TDRD10: variants seen among roughly 807,000 people sequenced by gnomAD.
TDRD10 encodes the protein tudor domain-containing protein 10.
In TDRD10, 40 loss-of-function variants were observed where a neutral mutation model predicts 48.0. The observed-to-expected ratio is 0.83, with a 90% confidence interval of 0.65 to 1.09. The LOEUF is 1.09. Ranked by LOEUF, TDRD10 falls within the 50% of genes least tolerant of loss-of-function variation. The pLI, the probability that TDRD10 is intolerant of heterozygous loss-of-function variation, is 0.00. For missense variants in TDRD10, 378 were observed against 434.7 expected (o/e 0.87, Z 1.16); for synonymous variants, 162 against 170.4 (o/e 0.95, Z 0.38).
At chr1:154,506,320 G>A (rs1414584901) in intron 1 of TDRD10, among the ~76,000 whole-genome samples, 1 of 151,480 alleles carries the variant, frequency 6.6e-6, no homozygotes, top group Non-Finnish European at 1.5e-5. Context: ...GCTAACAACA[G>A]TAGTAGAGTC....
intron 4 of TDRD10, among the ~76,000 whole-genome samples, chr1:154,514,170 A>G (rs1693627989): frequency 6.6e-6 from 1 of 152,232 alleles, no homozygotes; most frequent in African/African-American, 2.4e-5. Flanking sequence ...AGCCTGGGTG[A>G]CAAAGCAAGA....
Position 154,544,934 on chromosome 1 carries a change from T to G in TDRD10, c.937T>G (p.Phe313Val). ...GACCATCCCACCCCTGACTCAGCCA[T>G]TCATGCTGGAGAAAGGTGAGACATC... ...FWTIPPLTQP[F>V]MLEKDILSSY... The change falls in exon 11 of 13, where the codon TTC becomes GTC. Residue 313 changes from phenylalanine to valine, a missense_variant. Transcript: ENST00000368482. 1 of 1,614,046 alleles carries G rather than the reference T, an allele frequency of 6.2e-7. No homozygotes were observed. The highest frequency in any genetic ancestry group is 2.2e-5 in the East Asian group (1 of 44,874).
chr1:154,512,252 CGAATTTT>C (rs1486511414), intron 4 of TDRD10, among the ~76,000 whole-genome samples: 3 of 152,088 alleles, frequency 2.0e-5, no homozygotes, highest in Admixed American at 2.0e-4. Context: ...CATACAATGT[CGAATTTT>C]GTGTTTTCTT....
chr1:154,507,054 T>G, intron 2 of TDRD10, 149 bp downstream of exon 2: 1 of 1,544,124 alleles, frequency 6.5e-7, no homozygotes, highest in Non-Finnish European at 8.7e-7. Context: ...ACTTTAACTT[T>G]TAGTGATTTA....
At chr1:154,545,927 A>ATTTTT (rs559924225) in intron 11 of TDRD10, among the ~76,000 whole-genome samples, 1 of 85,496 alleles carries the variant, frequency 1.2e-5, no homozygotes, top group African/African-American at 5.0e-5. Context: ...CACCCAGCTA[A>ATTTTT]TTTTTTTTTT....
At chr1:154,508,305 A>C in intron 3 of TDRD10, 118 bp from the exon 4 acceptor site, 1 of 723,566 alleles carries the variant, frequency 1.4e-6, no homozygotes, top group Non-Finnish European at 2.5e-6. Flanking sequence ...GCTTGAGCCC[A>C]GGAATTTGAG....
At chr1:154,538,419 G>A (rs186467730) in intron 6 of TDRD10, among the ~76,000 whole-genome samples, 1 of 151,926 alleles carries the variant, frequency 6.6e-6, no homozygotes, top group African/African-American at 2.4e-5. Flanking sequence ...GTATGGTGGC[G>A]CATGCCTGTA....
At chr1:154,531,127 C>G (rs1186681267) in intron 6 of TDRD10, among the ~76,000 whole-genome samples, 1 of 152,160 alleles carries the variant, frequency 6.6e-6, no homozygotes, top group African/African-American at 2.4e-5. Context: ...AGGTGTGAGC[C>G]ACCACGCCTG....
chr1:154,507,216 C>T (rs772400955), intron 2 of TDRD10, 25 bp from the exon 3 acceptor site: 33 of 1,613,464 alleles, frequency 2.0e-5, no homozygotes, highest in South Asian at 4.4e-5. Context: ...TTGGGAGGTT[C>T]GATGCTGACA....
intron 1 of TDRD10, among the ~76,000 whole-genome samples, chr1:154,503,853 AT>A (rs1332621226): frequency 1.3e-5 from 2 of 150,898 alleles, no homozygotes; most frequent in Non-Finnish European, 2.9e-5. Context: ...GCGTAGTGAC[AT>A]TTTTTTAAAG....
At chr1:154,509,825 G>A (rs1693349105) in intron 4 of TDRD10, 13 of 985,404 alleles carry the variant, frequency 1.3e-5, no homozygotes, top group Non-Finnish European at 1.4e-5. Flanking sequence ...TGACAGTGAA[G>A]TGGGCAGAGG....
At chr1:154,514,239 G>GAT (rs1192480085) in intron 4 of TDRD10, among the ~76,000 whole-genome samples, 1 of 152,138 alleles carries the variant, frequency 6.6e-6, no homozygotes, top group Non-Finnish European at 1.5e-5. Flanking sequence ...GAAATACAAT[G>GAT]ATAGCCTTTG....
intron 1 of TDRD10, among the ~76,000 whole-genome samples, chr1:154,503,694 G>A (rs889710532): frequency 6.6e-6 from 1 of 152,336 alleles, no homozygotes; most frequent in Middle Eastern, 3.4e-3. Flanking sequence ...AACTAAATGT[G>A]CTGAAGGGGC....
intron 6 of TDRD10, among the ~76,000 whole-genome samples, chr1:154,530,270 C>T (rs1295967774): frequency 1.3e-5 from 2 of 152,170 alleles, no homozygotes; most frequent in African/African-American, 2.4e-5. Context: ...CCGCCTCGGT[C>T]TCCCAGAGTG....
intron 6 of TDRD10, among the ~76,000 whole-genome samples, chr1:154,537,542 G>A (rs1417947097): frequency 6.6e-6 from 1 of 152,224 alleles, no homozygotes; most frequent in Admixed American, 6.5e-5. Flanking sequence ...GGTTGGTGGA[G>A]GTGAGGGTGG....
At chr1:154,547,171 G>C (rs1695642885) in intron 11 of TDRD10, among the ~76,000 whole-genome samples, 2 of 152,134 alleles carry the variant, frequency 1.3e-5, no homozygotes, top group African/African-American at 4.8e-5. Context: ...ATTTTAACAA[G>C]TGCCTCCTCC....
At chr1:154,526,198 C>G (rs1261349289) in intron 6 of TDRD10, among the ~76,000 whole-genome samples, 2 of 65,702 alleles carry the variant, frequency 3.0e-5, no homozygotes, top group African/African-American at 4.2e-5. Context: ...AGTGAGACTT[C>G]ATCTCAAAAA....
rs750360703 is a variant in TDRD10 at position 154,543,949 on chromosome 1, T to C, written c.504-14T>C. ...CAGTCGTTCCTTTCCTTGCTCCCCT[T>C]GCTCTTCCCGCAGAGGGTCCTTCCT... On this transcript the variant is annotated splice_polypyrimidine_tract_variant and intron_variant, in intron 8 of 12. Coordinates refer to ENST00000368482, the MANE Select transcript of TDRD10 (RefSeq NM_182499.4). 8.1e-6 allele frequency: 13 copies of C among 1,613,480 alleles called. No homozygotes were observed. The East Asian group carries it at 2.9e-4, about 36-fold the overall frequency.
intron 4 of TDRD10, among the ~76,000 whole-genome samples, chr1:154,518,781 G>A (rs1376570880): frequency 6.6e-6 from 1 of 152,190 alleles, no homozygotes; most frequent in African/African-American, 2.4e-5. Context: ...GAAAGCAGCT[G>A]TAAACAATGA....
Sources: allele counts gnomAD v4.1 joint callset (sites outside exome capture counted in the v4.1 genomes callset), GRCh38; gene constraint gnomAD v4.1.1; transcripts MANE v1.5; gene names NCBI Gene and HGNC (gene_info 2026-07-23, HGNC 2026-07-21).